FAM153A: variants seen among roughly 807,000 people sequenced by gnomAD.
The protein encoded by FAM153A is family with sequence similarity 153 member A, also known as protein FAM153A.
Under a neutral mutation model 48.1 loss-of-function variants are expected in FAM153A, and 12 were observed. The observed-to-expected ratio is 0.25, with a 90% CI of 0.16 to 0.40. The LOEUF is 0.40. Among genes scored for constraint, FAM153A ranks in the 10% least tolerant of loss-of-function variants. The pLI, the probability that FAM153A is intolerant of heterozygous loss-of-function variation, is 1.00. For missense variants in FAM153A, 111 were observed against 345.8 expected, an observed-to-expected ratio of 0.32 and a Z score of 5.38; for synonymous variants, 36 against 118.2, an observed-to-expected ratio of 0.30 and a Z score of 4.51.
At chr5:177,716,387 C>G (rs1290796607) in exon 25 of FAM153A, 2 of 151,876 alleles carry the variant, frequency 1.3e-5, no homozygotes, top group African/African-American at 4.9e-5. Context: ...AGAACTCAAT[C>G]AGAACTTGAG....
chr5:177,743,202 TTTTG>T (rs1443879691), intron 6 of FAM153A, among the ~76,000 whole-genome samples: 7 of 35,196 alleles, frequency 2.0e-4, no homozygotes, highest in Non-Finnish European at 2.8e-4. Flanking sequence ...TTTTTTTTTG[TTTTG>T]TTTTTTTTTT....
rs1341631090 is a variant in FAM153A, at chr5:177,715,411, AGG to A, written c.*1222+932_*1222+933del. Among the ~76,000 whole-genome samples the A allele has an allele frequency of 3.3e-5, 5 of 151,448 alleles. 1 individual carries two copies. The highest frequency in any genetic ancestry group is 1.2e-4 in the African/African-American group (5 of 40,874). ...GAAAGCTACTGATCTCACCAAATCAAGGACACAATACTGTTCCCTCAGGTAGC... is the reference window on the plus strand; with the variant it reads ...GAAAGCTACTGATCTCACCAAATCAAACACAATACTGTTCCCTCAGGTAGC... On this transcript the variant is annotated intron_variant and NMD_transcript_variant, in intron 25 of 26. Transcript: ENST00000360669.
chr5:177,716,405 T>G (rs961487099), exon 25 of FAM153A: 4 of 151,930 alleles, frequency 2.6e-5, no homozygotes, highest in Non-Finnish European at 4.4e-5. Context: ...GAGAACTTCT[T>G]TCAGTAGGTG....
the FAM153A span, among the ~76,000 whole-genome samples, chr5:177,695,898 C>T: frequency 7.5e-6 from 1 of 133,400 alleles, no homozygotes; most frequent in Admixed American, 7.3e-5. Flanking sequence ...AGAGGCACTC[C>T]TCACTTCCCA....
downstream of FAM153A, among the ~76,000 whole-genome samples, chr5:177,721,212 GAGA>G (rs1455431964): frequency 1.9e-4 from 7 of 36,730 alleles, no homozygotes; most frequent in African/African-American, 7.9e-4. Flanking sequence ...CACATGCTTG[GAGA>G]AGCTCACAGT....
downstream of FAM153A, among the ~76,000 whole-genome samples, chr5:177,710,262 G>A (rs1758294409): frequency 6.6e-6 from 1 of 151,366 alleles, no homozygotes; most frequent in African/African-American, 2.4e-5. Flanking sequence ...ACAGGCATGT[G>A]TCACCACACC....
At position 177,734,395 on chromosome 5, in the gene FAM153A, C is replaced by T. The variant is rs201299530; in HGVS notation, c.745G>A (p.Gly249Arg). The change falls in exon 14 of 21, where the codon GGA (glycine) becomes AGA (arginine). Residue 249 changes from glycine (G) to arginine (R), a missense_variant. Physicochemically the swap from Gly to Arg is moderately radical, Grantham distance 125. Transcript: ENST00000614127. ...CAATACGTACCACGTTGTGGAACTC[C>T]CAAGGATGTCTGTAACGACAGAAAA... 263 of 1,182,692 alleles carry T rather than the reference C, an allele frequency of 2.2e-4. 13 individuals carry two copies. The highest frequency in any genetic ancestry group is 2.8e-4 in the Non-Finnish European group (242 of 855,226). 73.3% of individuals were successfully genotyped at this position (1,182,692 alleles called of 1,614,324 possible).
At chr5:177,707,318 T>C (rs2127544709), downstream of FAM153A, among the ~76,000 whole-genome samples, 1 of 151,864 alleles carries the variant, frequency 6.6e-6, no homozygotes, top group South Asian at 2.1e-4. Flanking sequence ...ATTTAAAAAA[T>C]GAAAATCATA....
At chr5:177,763,695 G>A in intron 1 of FAM153A, among the ~76,000 whole-genome samples, 185 bp from the exon 4 acceptor site, 1 of 149,060 alleles carries the variant, frequency 6.7e-6, no homozygotes, top group Middle Eastern at 3.5e-3. Context: ...TGAACCCCTG[G>A]GCTGACCTTG....
chr5:177,707,688 T>C (rs1192492734), downstream of FAM153A, among the ~76,000 whole-genome samples: 1 of 151,542 alleles, frequency 6.6e-6, no homozygotes, highest in South Asian at 2.1e-4. Flanking sequence ...GCCTCCCGAG[T>C]AGCTGGGATT....
chr5:177,713,712 G>GA (rs1209878563), intron 26 of FAM153A: 1 of 151,806 alleles, frequency 6.6e-6, no homozygotes, highest in Admixed American at 6.6e-5. Flanking sequence ...AGCCAAGATT[G>GA]AAATCTTGAT....
intron 18 of FAM153A, among the ~76,000 whole-genome samples, chr5:177,728,444 C>T (rs1436828249): frequency 1.3e-5 from 2 of 149,064 alleles, no homozygotes; most frequent in African/African-American, 5.1e-5. Context: ...TATAGACTCT[C>T]TCCTCTGTCC....
chr5:177,715,574 G>A (rs1759544021), intron 25 of FAM153A, among the ~76,000 whole-genome samples: 1 of 151,508 alleles, frequency 6.6e-6, no homozygotes, highest in South Asian at 2.1e-4. Context: ...TCCACATCCT[G>A]TCCTGATCCT....
rs1001392081 is a variant in FAM153A at position 177,759,981 on chromosome 5, CA to C, written c.-56-11283del. Among the ~76,000 whole-genome samples, 24 of 141,860 alleles carry C rather than the reference CA, an allele frequency of 1.7e-4. 1 individual carries two copies. The highest frequency in any genetic ancestry group is 6.1e-4 in the African/African-American group (22 of 35,910). 93.1% of individuals were successfully genotyped at this position (141,860 alleles called of 152,430 possible). A position where few individuals can be genotyped will look rare whatever the true frequency, so the allele number is the denominator to read the frequency against. Reference sequence around the variant, plus strand: ...ACAAAAAGTAAAAAATAAAAAAAAACAAAAAAAACTGCATTAACATAGATGT... The same window carrying C: ...ACAAAAAGTAAAAAATAAAAAAAAACAAAAAAACTGCATTAACATAGATGT... On this transcript the variant is annotated intron_variant, in intron 1 of 8. Coordinates refer to the FAM153A transcript ENST00000393518.
chr5:177,732,510 C>CTTTT (rs1163859069), intron 14 of FAM153A, among the ~76,000 whole-genome samples: 1 of 72,244 alleles, frequency 1.4e-5, no homozygotes, highest in African/African-American at 5.6e-5. Context: ...CCAGAACTTG[C>CTTTT]TTTTTTTTTT....
intron 1 of FAM153A, among the ~76,000 whole-genome samples, chr5:177,759,354 T>G (rs1284478334): frequency 6.6e-6 from 1 of 151,684 alleles, no homozygotes; most frequent in Non-Finnish European, 1.5e-5. Flanking sequence ...ATAGGAACAC[T>G]TACACTGTTG....
intron 25 of FAM153A, among the ~76,000 whole-genome samples, chr5:177,715,987 C>T (rs930907911): frequency 7.8e-5 from 11 of 141,232 alleles, no homozygotes; most frequent in Admixed American, 7.1e-5. Context: ...AGATTAAATA[C>T]TTTTTTTTTT....
At chr5:177,735,128 A>C (rs868442100) in intron 12 of FAM153A, among the ~76,000 whole-genome samples, 195 bp from the exon 15 acceptor site, 1 of 121,000 alleles carries the variant, frequency 8.3e-6, no homozygotes, top group Admixed American at 8.6e-5. Flanking sequence ...AACAGTGCAC[A>C]CCACGCAGTG....
At chr5:177,729,552 T>C in exon 17 of FAM153A, 1 of 1,609,018 alleles carries the variant, frequency 6.2e-7, no homozygotes, top group Non-Finnish European at 8.5e-7. Flanking sequence ...GTCTTCCAGG[T>C]CACCTAGGAA....
Sources: allele counts gnomAD v4.1 joint callset (sites outside exome capture counted in the v4.1 genomes callset), GRCh38; gene constraint gnomAD v4.1.1; transcripts MANE v1.5; gene names NCBI Gene and HGNC (gene_info 2026-07-23, HGNC 2026-07-21).